Variants in RFX4 observed in about 807,000 individuals in gnomAD.
RFX4 encodes the protein transcription factor RFX4.
In RFX4, 10 loss-of-function variants were observed where a neutral mutation model predicts 95.0. The ratio of observed to expected loss-of-function variants is 0.11; its 90% CI spans 0.06 to 0.18. The LOEUF is 0.18. Ranked by LOEUF, RFX4 falls within the 10% of genes least tolerant of loss-of-function variation. The pLI is 1.00. For missense variants in RFX4, 640 were observed against 922.0 expected (o/e 0.69, Z 3.96); for synonymous variants, 321 against 340.7 (o/e 0.94, Z 0.64).
intron 4 of RFX4, among the ~76,000 whole-genome samples, chr12:106,655,841 A>G (rs1269003235): frequency 6.6e-6 from 1 of 152,216 alleles, no homozygotes; most frequent in Non-Finnish European, 1.5e-5. Flanking sequence ...AATAACTCAG[A>G]CATTTATTAA....
chr12:106,600,943 GTC>G (rs2039693777), intron 1 of RFX4, among the ~76,000 whole-genome samples: 2 of 152,164 alleles, frequency 1.3e-5, no homozygotes, highest in African/African-American at 4.8e-5. Context: ...TTGCTAATTT[GTC>G]TCTGTCTCCG....
intron 2 of RFX4, among the ~76,000 whole-genome samples, chr12:106,626,376 G>A (rs189652642): frequency 9.2e-5 from 14 of 152,282 alleles, no homozygotes; most frequent in East Asian, 5.8e-4. Flanking sequence ...TGGGAAAATC[G>A]GGGGAGGCAG....
chr12:106,663,296 G>T (rs2041112003), intron 4 of RFX4, among the ~76,000 whole-genome samples: 1 of 151,938 alleles, frequency 6.6e-6, no homozygotes, highest in Middle Eastern at 3.2e-3. Context: ...TTCTACATAA[G>T]TATGTCATTT....
chr12:106,606,788 A>G (rs1444019124), intron 1 of RFX4, among the ~76,000 whole-genome samples: 1 of 152,220 alleles, frequency 6.6e-6, no homozygotes, highest in Non-Finnish European at 1.5e-5. Context: ...TTGTTGGGAC[A>G]TAAAATACAA....
chr12:106,643,161 C>T (rs550031302), intron 3 of RFX4, among the ~76,000 whole-genome samples: 22 of 152,158 alleles, frequency 1.4e-4, no homozygotes, highest in African/African-American at 7.2e-5. Flanking sequence ...TTGGGAGAGG[C>T]GGTTGCCTTC....
chr12:106,757,668 T>C (rs187829076), intron 17 of RFX4, among the ~76,000 whole-genome samples: 1 of 152,104 alleles, frequency 6.6e-6, no homozygotes, highest in East Asian at 1.9e-4. Context: ...AGTACTTTGG[T>C]GCAGTGAGAG....
At chr12:106,616,934 T>A (rs971482827) in intron 2 of RFX4, among the ~76,000 whole-genome samples, 2 of 150,424 alleles carry the variant, frequency 1.3e-5, no homozygotes, top group Non-Finnish European at 3.0e-5. Flanking sequence ...CTAATTTTTG[T>A]ATTTTTTTTT....
rs2043211761 is a variant in RFX4, at chr12:106,761,818, G to T, written c.*349G>T. On this transcript the variant is annotated 3_prime_UTR_variant, in exon 18 of 18. Coordinates refer to ENST00000392842, the MANE Select transcript of RFX4 (RefSeq NM_213594.3). ...CTTCTAGTAAGCTACTGATTTTCCT[G>T]TTGACAAAATCTCTTTAGTCTTGAA... is the stretch of plus-strand genomic sequence containing the variant. 1 of 153,438 alleles carries T rather than the reference G, an allele frequency of 6.5e-6. No individual in the cohort carries two copies. The highest frequency in any genetic ancestry group is 2.4e-5 in the African/African-American group (1 of 41,462). The allele number at this position is 153,438 out of a possible 1,614,324, so 9.5% of individuals were successfully genotyped here.
intron 3 of RFX4, among the ~76,000 whole-genome samples, chr12:106,647,050 A>G (rs1050636159): frequency 6.6e-6 from 1 of 152,198 alleles, no homozygotes; most frequent in Admixed American, 6.5e-5. Flanking sequence ...GTATGAGCCA[A>G]AGCCCACTGT....
intron 2 of RFX4, among the ~76,000 whole-genome samples, chr12:106,618,926 G>A (rs546537774): frequency 6.6e-6 from 1 of 152,058 alleles, no homozygotes; most frequent in South Asian, 2.1e-4. Context: ...TTCTATTAGG[G>A]ATTACAATAT....
intron 3 of RFX4, among the ~76,000 whole-genome samples, chr12:106,642,942 A>G (rs1213580994): frequency 1.3e-5 from 2 of 152,198 alleles, no homozygotes; most frequent in Admixed American, 1.3e-4. Flanking sequence ...CTCCACGCCC[A>G]TAGGGGTGTG....
chr12:106,676,738 C>A (rs1322989197), intron 4 of RFX4, among the ~76,000 whole-genome samples: 1 of 152,028 alleles, frequency 6.6e-6, no homozygotes, highest in East Asian at 1.9e-4. Context: ...CAGAACATCT[C>A]CAAGAGGGTC....
intron 3 of RFX4, among the ~76,000 whole-genome samples, chr12:106,647,081 G>A (rs2040762096): frequency 6.6e-6 from 1 of 152,202 alleles, no homozygotes; most frequent in African/African-American, 2.4e-5. Context: ...TTTGCTGTCT[G>A]GTGGTGTTAT....
intron 10 of RFX4, among the ~76,000 whole-genome samples, chr12:106,713,895 C>T (rs2042234167): frequency 6.6e-6 from 1 of 151,718 alleles, no homozygotes; most frequent in South Asian, 2.1e-4. Context: ...TGTCGAAACC[C>T]TGTCTCTACT....
At chr12:106,648,626 G>GTTT (rs59743543) in intron 3 of RFX4, among the ~76,000 whole-genome samples, 4 of 124,932 alleles carry the variant, frequency 3.2e-5, no homozygotes, top group Non-Finnish European at 3.4e-5. Flanking sequence ...ATCCTGTGGG[G>GTTT]TTTTTTTTTT....
intron 4 of RFX4, among the ~76,000 whole-genome samples, chr12:106,674,930 C>G (rs994460611): frequency 1.3e-5 from 2 of 152,144 alleles, no homozygotes; most frequent in African/African-American, 4.8e-5. Context: ...GAAAATGAGG[C>G]TGGAGATCCA....
chr12:106,755,830 A>C (rs967208977), intron 17 of RFX4, among the ~76,000 whole-genome samples: 3 of 152,194 alleles, frequency 2.0e-5, no homozygotes, highest in Non-Finnish European at 4.4e-5. Context: ...CAAGTATACA[A>C]TATGGTTGGA....
intron 7 of RFX4, 100 bp downstream of exon 7, chr12:106,689,464 TGGA>T: frequency 1.1e-6 from 1 of 924,958 alleles, no homozygotes; most frequent in Non-Finnish European, 1.8e-6. Context: ...GCCTGGCATC[TGGA>T]AGCCCTTCCT....
At chr12:106,698,275 A>C (rs1225986071) in intron 8 of RFX4, among the ~76,000 whole-genome samples, 1 of 151,858 alleles carries the variant, frequency 6.6e-6, no homozygotes. Context: ...ACACCTGGCC[A>C]ATTAATTTTT....
Sources: allele counts gnomAD v4.1 joint callset (sites outside exome capture counted in the v4.1 genomes callset), GRCh38; gene constraint gnomAD v4.1.1; transcripts MANE v1.5; gene names NCBI Gene and HGNC (gene_info 2026-07-23, HGNC 2026-07-21).